PRKCE: variants seen among roughly 807,000 people sequenced by gnomAD.
PRKCE encodes the protein protein kinase C epsilon type.
PRKCE carries 16 observed loss-of-function variants against 85.4 expected under a neutral mutation model. That is an observed-to-expected ratio of 0.19 (90% CI 0.13 to 0.28). The LOEUF is 0.28. Among genes scored for constraint, PRKCE ranks in the 10% least tolerant of loss-of-function variants. PRKCE has a pLI of 1.00. For missense variants in PRKCE, 573 were observed against 975.2 expected (o/e 0.59, Z 5.49); for synonymous variants, 388 against 371.5 (o/e 1.04, Z -0.51).
intron 1 of PRKCE, among the ~76,000 whole-genome samples, chr2:45,794,163 G>A (rs1687239499): frequency 1.3e-5 from 2 of 152,040 alleles, no homozygotes; most frequent in African/African-American, 4.8e-5. Flanking sequence ...TCAGGAGTGT[G>A]GCATCATTGA....
chr2:45,686,612 A>C (rs566621751), intron 1 of PRKCE, among the ~76,000 whole-genome samples: 1 of 152,296 alleles, frequency 6.6e-6, no homozygotes, highest in South Asian at 2.1e-4. Context: ...AATGGAAGCA[A>C]ATGCTTCATT....
At chr2:45,860,995 G>A (rs552210872) in intron 2 of PRKCE, among the ~76,000 whole-genome samples, 9 of 152,332 alleles carry the variant, frequency 5.9e-5, no homozygotes, top group African/African-American at 1.9e-4. Context: ...GCCAGCGCTT[G>A]TGTGCTGTTG....
At chr2:45,714,778 C>T (rs1679951957) in intron 1 of PRKCE, among the ~76,000 whole-genome samples, 2 of 152,176 alleles carry the variant, frequency 1.3e-5, no homozygotes, top group Admixed American at 1.3e-4. Context: ...TGAGCCTGTC[C>T]AGCCTGTCCT....
At position 45,651,682 on chromosome 2, in the gene PRKCE, C is replaced by G. The variant is rs1261533756; in HGVS notation, c.-419C>G. The G allele has an allele frequency of 7.1e-6, 1 of 141,318 alleles. No homozygotes were observed. The highest frequency in any genetic ancestry group is 2.6e-5 in the African/African-American group (1 of 38,456). The allele number at this position is 141,318 out of a possible 1,614,324, so 8.8% of individuals were successfully genotyped here. A position where few individuals can be genotyped will look rare whatever the true frequency, so the allele number is the denominator to read the frequency against. ...CATCCCCCTCCCGGAGTCGAAATTTCCCGGGATTATGTTTCGGAAAGGTAG... is the reference window on the plus strand; with the variant it reads ...CATCCCCCTCCCGGAGTCGAAATTTGCCGGGATTATGTTTCGGAAAGGTAG... On this transcript the variant is annotated 5_prime_UTR_variant, in exon 1 of 15. Coordinates refer to ENST00000306156, the MANE Select transcript of PRKCE (RefSeq NM_005400.3).
At chr2:45,770,060 G>T (rs1168933595) in intron 1 of PRKCE, among the ~76,000 whole-genome samples, 1 of 152,236 alleles carries the variant, frequency 6.6e-6, no homozygotes, top group Admixed American at 6.5e-5. Context: ...AAGAGGTGGG[G>T]CTGTGAAACG....
At chr2:45,842,885 G>A (rs556858085) in intron 1 of PRKCE, 115 bp from the exon 2 acceptor site, 2 of 925,864 alleles carry the variant, frequency 2.2e-6, no homozygotes, top group Non-Finnish European at 1.7e-6. Context: ...GTAGGTTGGT[G>A]AATTACATGG....
intron 2 of PRKCE, among the ~76,000 whole-genome samples, chr2:45,889,771 G>A (rs1695578024): frequency 6.6e-6 from 1 of 152,172 alleles, no homozygotes; most frequent in Non-Finnish European, 1.5e-5. Context: ...TTCTGATTTA[G>A]TGAGCTTGAT....
In PRKCE at chr2:45,955,656, A is replaced by G. The variant is rs143880447; in HGVS notation, c.413-20773A>G. On this transcript the variant is annotated intron_variant, in intron 2 of 14. Coordinates refer to ENST00000306156, the MANE Select transcript of PRKCE (RefSeq NM_005400.3). Reference sequence around the variant, plus strand: ...CAACATAGTGAGATGCTCATCTCAAAAACAAACCCCCACATGGATAAATAA... The same window carrying G: ...CAACATAGTGAGATGCTCATCTCAAGAACAAACCCCCACATGGATAAATAA... 3.9e-4 allele frequency among the ~76,000 whole-genome samples: 60 copies of G among 152,274 alleles called. No homozygotes were observed. The East Asian group carries it at 9.1e-3, about 23-fold the overall frequency.
chr2:45,995,688 T>C (rs1648356197), intron 6 of PRKCE, among the ~76,000 whole-genome samples: 1 of 152,226 alleles, frequency 6.6e-6, no homozygotes, highest in Non-Finnish European at 1.5e-5. Context: ...TCTGTTCTGT[T>C]CCATTGATCT....
intron 10 of PRKCE, among the ~76,000 whole-genome samples, chr2:46,055,314 T>C (rs1426062103): frequency 1.3e-5 from 2 of 152,186 alleles, no homozygotes; most frequent in African/African-American, 4.8e-5. Context: ...TGCTCACCTG[T>C]GCTCCCCATC....
At chr2:45,932,023 T>A (rs926606930) in intron 2 of PRKCE, among the ~76,000 whole-genome samples, 1 of 152,164 alleles carries the variant, frequency 6.6e-6, no homozygotes, top group East Asian at 1.9e-4. Flanking sequence ...GGCCACATAC[T>A]GAATTTTTAA....
chr2:46,183,161 T>C (rs1574694507), intron 14 of PRKCE, among the ~76,000 whole-genome samples: 3 of 152,360 alleles, frequency 2.0e-5, no homozygotes, highest in South Asian at 4.1e-4. Flanking sequence ...GGAGAGGTGT[T>C]CATAAACTAT....
chr2:45,683,970 T>TA (rs1677094400), intron 1 of PRKCE, among the ~76,000 whole-genome samples: 1 of 152,156 alleles, frequency 6.6e-6, no homozygotes, highest in Admixed American at 6.5e-5. Context: ...CCCAGGGACT[T>TA]ATTAGCTGGA....
chr2:45,953,742 C>A (rs958205118), intron 2 of PRKCE, among the ~76,000 whole-genome samples: 7 of 152,206 alleles, frequency 4.6e-5, no homozygotes, highest in Non-Finnish European at 7.3e-5. Flanking sequence ...TGGGCTCCCC[C>A]CGAAGAGATT....
intron 2 of PRKCE, among the ~76,000 whole-genome samples, chr2:45,959,995 T>C (rs1701269562): frequency 6.6e-6 from 1 of 152,338 alleles, no homozygotes; most frequent in African/African-American, 2.4e-5. Flanking sequence ...TTAAAAGAAA[T>C]TGGCCTCTCC....
chr2:46,031,591 C>CGTGTGTGTGTGTGTGT (rs58684318), intron 10 of PRKCE, among the ~76,000 whole-genome samples: 15 of 144,026 alleles, frequency 1.0e-4, no homozygotes, highest in Non-Finnish European at 1.5e-4. Flanking sequence ...ACATTCTGCT[C>CGTGTGTGTGTGTGTGT]GTGTGTGTGT....
chr2:45,801,235 G>A (rs1471763078), intron 1 of PRKCE, among the ~76,000 whole-genome samples: 2 of 152,142 alleles, frequency 1.3e-5, no homozygotes, highest in African/African-American at 2.4e-5. Context: ...CCATAGAAGA[G>A]TGTTAAGCTG....
chr2:45,898,437 C>G (rs150366714), intron 2 of PRKCE, among the ~76,000 whole-genome samples: 63 of 152,294 alleles, frequency 4.1e-4, no homozygotes, highest in African/African-American at 1.4e-3. Flanking sequence ...GACTTTCACA[C>G]TAGGAGATAC....
rs778021116 is a variant in PRKCE, at chr2:46,184,007, G to A, written c.2068-728G>A. ...GTTGTACCTTGGGAACTTCAACCCA[G>A]AGGTATGGGTCCTTCAGAGCTGGGG... On this transcript the variant is annotated intron_variant, in intron 14 of 14. Coordinates refer to ENST00000306156, the MANE Select transcript of PRKCE (RefSeq NM_005400.3). The surrounding 1 kb of genome is among the most constrained non-coding windows in gnomAD (Gnocchi z 5.0). 4.6e-5 allele frequency among the ~76,000 whole-genome samples: 7 copies of A among 152,116 alleles called. No homozygotes were observed. The highest frequency in any genetic ancestry group is 8.8e-5 in the Non-Finnish European group (6 of 68,030).
Sources: allele counts gnomAD v4.1 joint callset (sites outside exome capture counted in the v4.1 genomes callset), GRCh38; gene constraint gnomAD v4.1.1; non-coding constraint Gnocchi (gnomAD v3.1); transcripts MANE v1.5; gene names NCBI Gene and HGNC (gene_info 2026-07-23, HGNC 2026-07-21).